Variants in CMPK1 observed in about 807,000 individuals in gnomAD.
CMPK1 encodes cytidine/uridine monophosphate kinase 1, also known as UMP-CMP kinase.
Under a neutral mutation model 25.7 loss-of-function variants are expected in CMPK1, and 10 were observed. That is an observed-to-expected ratio of 0.39 (90% confidence interval 0.24 to 0.66). The LOEUF (loss-of-function observed/expected upper bound fraction) is 0.66, where lower values mean the gene tolerates loss of function less well. Ranked by LOEUF, CMPK1 falls within the 30% of genes least tolerant of loss-of-function variation. The pLI, the probability that CMPK1 is intolerant of heterozygous loss-of-function variation, is 0.48. For missense variants in CMPK1, 199 were observed against 280.5 expected, an observed-to-expected ratio of 0.71 and a Z score of 2.08; for synonymous variants, 106 against 101.5, an observed-to-expected ratio of 1.04 and a Z score of -0.27.
chr1:47,358,510 A>C, intron 1 of CMPK1: 1 of 1,021,636 alleles, frequency 9.8e-7, no homozygotes, highest in South Asian at 3.3e-5. Flanking sequence ...GTATGTGTAG[A>C]TGTCATTTTT....
chr1:47,358,848 A>G lies in CMPK1; in HGVS notation c.172-9621A>G. The G allele has an allele frequency of 5.1e-6, 5 of 984,006 alleles. No individual in the cohort carries two copies. The African/African-American group carries it at 5.2e-5, about 10-fold the overall frequency. The allele number at this position is 984,006 out of a possible 1,614,324, so 61.0% of individuals were successfully genotyped here. Reference sequence around the variant, plus strand: ...TTTTCTGGTGTTGATTCTTAAATTCAAATAAATTCTAGTTCCTAAAGAGCA... The same window carrying G: ...TTTTCTGGTGTTGATTCTTAAATTCGAATAAATTCTAGTTCCTAAAGAGCA... On this transcript the variant is annotated intron_variant, in intron 1 of 5. Coordinates refer to ENST00000371873, the MANE Select transcript of CMPK1 (RefSeq NM_016308.3).
intron 1 of CMPK1, among the ~76,000 whole-genome samples, chr1:47,342,951 CT>C (rs998918798): frequency 6.8e-6 from 1 of 147,428 alleles, no homozygotes; most frequent in African/African-American, 2.5e-5. Context: ...CCCGGCAATT[CT>C]TTTTTTAAAG....
At position 47,368,609 on chromosome 1, in the gene CMPK1, A is replaced by T; in HGVS notation, c.312A>T (p.Leu104Phe). The T allele has an allele frequency of 6.2e-7, 1 of 1,606,604 alleles. No homozygotes were observed. The highest frequency in any genetic ancestry group is 8.5e-7 in the Non-Finnish European group (1 of 1,176,576). ...CAGTTGAGATAACCATCAGTTTATT[A>T]AAGAGGGTAAGGAGTGTGAATGCCA... The part of the protein sequence containing the change: ...IVPVEITISL[L>F]KREMDQTMAA... Residue 104 changes from leucine (L) to phenylalanine (F), a missense_variant, in exon 2 of 6, where the codon TTA (leucine) becomes TTT (phenylalanine). By Grantham distance (22) the Leu-to-Phe change is conservative. Around this residue, in one of 2 missense-constraint regions of CMPK1, gnomAD observed 140 missense variants for 235.5 expected, o/e 0.59. Transcript: ENST00000371873.
chr1:47,343,161 AT>A (rs536682313), intron 1 of CMPK1, among the ~76,000 whole-genome samples: 1 of 150,760 alleles, frequency 6.6e-6, no homozygotes, highest in Non-Finnish European at 1.5e-5. Context: ...TAATTTTTGT[AT>A]TTTTAGTAGA....
intron 2 of CMPK1, among the ~76,000 whole-genome samples, chr1:47,372,740 A>G (rs1363944607): frequency 6.6e-6 from 1 of 152,172 alleles, no homozygotes; most frequent in Non-Finnish European, 1.5e-5. Context: ...TAACCACACC[A>G]ACTTGAGGCA....
chr1:47,358,335 A>T, intron 1 of CMPK1: 1 of 879,468 alleles, frequency 1.1e-6, no homozygotes, highest in African/African-American at 1.7e-5. Context: ...CTGATCTCAA[A>T]CTCCTGGCCT....
chr1:47,372,842 C>T (rs1387501988), intron 2 of CMPK1, 113 bp from the exon 3 acceptor site: 6 of 662,960 alleles, frequency 9.1e-6, no homozygotes, highest in Non-Finnish European at 9.0e-6. Flanking sequence ...TACCCTCCAC[C>T]CTTTACTTAT....
chr1:47,349,799 C>T (rs1646509895), intron 1 of CMPK1, among the ~76,000 whole-genome samples: 1 of 151,824 alleles, frequency 6.6e-6, no homozygotes. Context: ...GTTCTGTTGC[C>T]CAACTTTCTA....
At chr1:47,336,131 C>T (rs995569099) in intron 1 of CMPK1, among the ~76,000 whole-genome samples, 3 of 71,268 alleles carry the variant, frequency 4.2e-5, no homozygotes, top group South Asian at 3.5e-4. Context: ...AGCGAGACTC[C>T]GTCTCAGAAA....
At chr1:47,356,045 CAT>C (rs1304339075) in intron 1 of CMPK1, among the ~76,000 whole-genome samples, 2 of 152,138 alleles carry the variant, frequency 1.3e-5, no homozygotes, top group African/African-American at 4.8e-5. Flanking sequence ...TGTGGTCAAA[CAT>C]AAATCCTAGC....
chr1:47,356,361 C>G (rs1646560571), intron 1 of CMPK1, among the ~76,000 whole-genome samples: 1 of 151,870 alleles, frequency 6.6e-6, no homozygotes, highest in Non-Finnish European at 1.5e-5. Context: ...TTTCATTGTT[C>G]TATTTGTCTA....
chr1:47,367,915 GAATC>G (rs887293477), intron 1 of CMPK1, among the ~76,000 whole-genome samples: 1 of 151,996 alleles, frequency 6.6e-6, no homozygotes, highest in African/African-American at 2.4e-5. Context: ...CTACAGGCAT[GAATC>G]ACCATACCCA....
rs762270300 is a variant in CMPK1, at chr1:47,368,539, A to T, written c.242A>T (p.Tyr81Phe). ...GAAAGGAAGAACCCAGATTCACAGTATGGTGAACTTATTGAAAAGTACATT... is the reference window on the plus strand; with the variant it reads ...GAAAGGAAGAACCCAGATTCACAGTTTGGTGAACTTATTGAAAAGTACATT... ...RDERKNPDSQ[Y>F]GELIEKYIKE... Residue 81 changes from tyrosine to phenylalanine, a missense_variant, in exon 2 of 6, where the codon TAT becomes TTT. Coordinates refer to ENST00000371873, the MANE Select transcript of CMPK1 (RefSeq NM_016308.3). 6.2e-7 allele frequency: 1 copy of T among 1,613,114 alleles called. No homozygotes were observed. The highest frequency in any genetic ancestry group is 1.7e-5 in the Admixed American group (1 of 59,938).
At chr1:47,345,785 C>T (rs1646479333) in intron 1 of CMPK1, among the ~76,000 whole-genome samples, 1 of 142,676 alleles carries the variant, frequency 7.0e-6, no homozygotes, top group African/African-American at 2.6e-5. Flanking sequence ...GATGGAGTTT[C>T]CCTCTTGTTG....
At chr1:47,360,518 G>A (rs1326452471) in intron 1 of CMPK1, among the ~76,000 whole-genome samples, 1 of 152,060 alleles carries the variant, frequency 6.6e-6, no homozygotes, top group Non-Finnish European at 1.5e-5. Flanking sequence ...CTATTTTCTT[G>A]CCATTGCTTC....
chr1:47,355,584 A>T (rs2149329744), intron 1 of CMPK1, among the ~76,000 whole-genome samples: 1 of 151,870 alleles, frequency 6.6e-6, no homozygotes, highest in African/African-American at 2.4e-5. Context: ...AAGTGCTGGG[A>T]TTACAGGTGT....
chr1:47,369,949 CTG>C (rs1646666577), intron 2 of CMPK1, among the ~76,000 whole-genome samples: 2 of 125,952 alleles, frequency 1.6e-5, no homozygotes, highest in South Asian at 5.3e-4. Flanking sequence ...GAGTTTCGCT[CTG>C]TCGCCCAGGC....
intron 1 of CMPK1, among the ~76,000 whole-genome samples, chr1:47,363,455 G>A (rs116294142): frequency 0.013 from 1,916 of 151,692 alleles, 42 homozygotes; most frequent in African/African-American, 0.044. Flanking sequence ...TGGTGAAACT[G>A]TCTACTAAAC....
intron 1 of CMPK1, among the ~76,000 whole-genome samples, chr1:47,340,143 A>G (rs1360451101): frequency 6.7e-6 from 1 of 150,138 alleles, no homozygotes; most frequent in Non-Finnish European, 1.5e-5. Flanking sequence ...GTGCAGTGGC[A>G]CAATCGTGGC....
Sources: gnomAD v4.1 joint callset for allele counts (sites outside exome capture counted in the v4.1 genomes callset) on GRCh38, gnomAD v4.1.1 for gene constraint, gnomAD v4.1.1 regional missense constraint, MANE v1.5 for transcripts, NCBI Gene and HGNC (gene_info 2026-07-23, HGNC 2026-07-21) for gene names.